Variants in UNC13C observed in about 807,000 individuals in gnomAD.
UNC13C encodes the protein unc-13 homolog C.
A neutral mutation model predicts 245.4 loss-of-function variants in UNC13C; 174 were observed. The observed-to-expected ratio is 0.71, with a 90% CI of 0.63 to 0.80. The LOEUF (loss-of-function observed/expected upper bound fraction) is 0.80, where lower values mean the gene tolerates loss of function less well. UNC13C is among the 30% of genes least tolerant of loss of function. UNC13C has a pLI of 0.00. For missense variants in UNC13C, 2,829 were observed against 2,602.9 expected, an observed-to-expected ratio of 1.09 and a Z score of -1.89; for synonymous variants, 992 against 895.1, an observed-to-expected ratio of 1.11 and a Z score of -1.93.
At chr15:54,061,559 C>G (rs112778206) in intron 2 of UNC13C, among the ~76,000 whole-genome samples, 1 of 152,222 alleles carries the variant, frequency 6.6e-6, no homozygotes, top group African/African-American at 2.4e-5. Context: ...CAAATCCAAA[C>G]CTTGGAATCT....
chr15:54,022,945 C>A (rs534798892), intron 2 of UNC13C, among the ~76,000 whole-genome samples: 1 of 152,042 alleles, frequency 6.6e-6, no homozygotes, highest in East Asian at 1.9e-4. Flanking sequence ...TAGAACCCAA[C>A]GAATACATGT....
rs1901348340 is a variant in UNC13C, at chr15:54,628,579, T to TA, written c.*1469dup. The TA allele has an allele frequency of 6.6e-6, 1 of 152,612 alleles. No individual in the cohort carries two copies. The highest frequency in any genetic ancestry group is 1.5e-5 in the Non-Finnish European group (1 of 68,028). 9.5% of individuals were successfully genotyped at this position (152,612 alleles called of 1,614,324 possible). A position where few individuals can be genotyped will look rare whatever the true frequency, so the allele number is the denominator to read the frequency against. ...TGCGATCCTCTGGCATATGCTTTAA[T>TA]AAATGGATGTATATTGAGCACATGC... On this transcript the variant is annotated 3_prime_UTR_variant, in exon 33 of 33. Transcript: ENST00000260323.
At chr15:54,396,598 C>T (rs952973539) in intron 18 of UNC13C, among the ~76,000 whole-genome samples, 3 of 151,458 alleles carry the variant, frequency 2.0e-5, no homozygotes, top group African/African-American at 7.3e-5. Context: ...TAGACATACT[C>T]TTTTATTTCT....
the UNC13C span, among the ~76,000 whole-genome samples, chr15:53,949,362 T>C: frequency 6.6e-6 from 1 of 152,238 alleles, no homozygotes; most frequent in African/African-American, 2.4e-5. Context: ...TGGCTGGGAA[T>C]GATTTATTGA....
At chr15:54,000,926 T>A (rs769359550) in intron 1 of UNC13C, among the ~76,000 whole-genome samples, 1 of 152,212 alleles carries the variant, frequency 6.6e-6, no homozygotes, top group Non-Finnish European at 1.5e-5. Flanking sequence ...GCCAAAATAC[T>A]TCATTTTGTA....
intron 2 of UNC13C, among the ~76,000 whole-genome samples, chr15:54,132,949 T>TA (rs2031518342): frequency 6.6e-6 from 1 of 152,216 alleles, no homozygotes; most frequent in Non-Finnish European, 1.5e-5. Context: ...AAAAGTGTGT[T>TA]ATAATAGAGG....
intron 18 of UNC13C, among the ~76,000 whole-genome samples, chr15:54,399,815 G>T (rs749869706): frequency 9.9e-5 from 15 of 151,902 alleles, no homozygotes; most frequent in African/African-American, 3.6e-4. Context: ...AGGTTTAAGC[G>T]ACTTTGATCA....
rs2140995743 is a variant in UNC13C, at chr15:54,015,761, A to G, written c.2858A>G (p.Gln953Arg). ...AEMEIREDEN[Q>R]NIPEQPVEIT... Reference sequence around the variant, plus strand: ...ATGGAAATAAGAGAAGATGAAAACCAAAACATTCCTGAACAGCCAGTGGAG... The same window carrying G: ...ATGGAAATAAGAGAAGATGAAAACCGAAACATTCCTGAACAGCCAGTGGAG... Residue 953 changes from glutamine (Q) to arginine (R), a missense_variant, in exon 2 of 33, where the codon CAA (glutamine) becomes CGA (arginine). By Grantham distance (43) the Gln-to-Arg change is conservative (BLOSUM62 1). Transcript: ENST00000260323. 1 of 1,613,020 alleles carries G rather than the reference A, an allele frequency of 6.2e-7. No homozygotes were observed. Among genetic ancestry groups the G allele is most frequent in the East Asian group, 2.2e-5 (1 of 44,852 alleles).
chr15:54,164,179 A>G (rs907579675), intron 4 of UNC13C, among the ~76,000 whole-genome samples: 1 of 152,202 alleles, frequency 6.6e-6, no homozygotes, highest in African/African-American at 2.4e-5. Context: ...CTAGCTAGCT[A>G]AAGGTAATTA....
chr15:53,962,354 ATAT>A, the UNC13C span, among the ~76,000 whole-genome samples: 12 of 152,096 alleles, frequency 7.9e-5, no homozygotes, highest in African/African-American at 2.2e-4. Context: ...CCATGTTTAG[ATAT>A]TATTATTTTC....
At chr15:54,219,525 G>A (rs966967586) in intron 4 of UNC13C, among the ~76,000 whole-genome samples, 15 of 148,340 alleles carry the variant, frequency 1.0e-4, no homozygotes, top group African/African-American at 3.5e-4. Flanking sequence ...TTACCATTCA[G>A]GACATAGGCA....
At chr15:53,892,949 G>A in the UNC13C span, among the ~76,000 whole-genome samples, 1 of 152,280 alleles carries the variant, frequency 6.6e-6, no homozygotes, top group East Asian at 1.9e-4. Flanking sequence ...AGGAGAAGTG[G>A]TGTTCTGGTT....
At chr15:54,035,071 GT>G (rs145203841) in intron 2 of UNC13C, among the ~76,000 whole-genome samples, 4 of 150,670 alleles carry the variant, frequency 2.7e-5, no homozygotes, top group South Asian at 2.1e-4. Context: ...TTCTTCCATT[GT>G]TTTTTTTTAT....
chr15:54,004,058 C>G (rs2140978867), intron 1 of UNC13C, among the ~76,000 whole-genome samples: 1 of 152,142 alleles, frequency 6.6e-6, no homozygotes, highest in Admixed American at 6.6e-5. Flanking sequence ...AAACCAAACT[C>G]TTACAGACTA....
At chr15:54,086,100 T>C (rs931090954) in intron 2 of UNC13C, among the ~76,000 whole-genome samples, 2 of 152,196 alleles carry the variant, frequency 1.3e-5, no homozygotes, top group African/African-American at 4.8e-5. Flanking sequence ...CTTTTAGCTT[T>C]TTGAGGATAT....
intron 17 of UNC13C, among the ~76,000 whole-genome samples, chr15:54,364,477 G>C (rs2039314837): frequency 6.6e-6 from 1 of 152,150 alleles, no homozygotes; most frequent in Admixed American, 6.5e-5. Flanking sequence ...CTTAGATGTA[G>C]GGAGCTACTG....
rs1895542881 is a variant in UNC13C, at chr15:54,014,482, C to G, written c.1579C>G (p.His527Asp). The change falls in exon 2 of 33, where the codon CAT becomes GAT. Residue 527 changes from histidine (H) to aspartate (D), a missense_variant. His to Asp is a moderately conservative substitution (Grantham distance 81). Transcript: ENST00000260323. ...SDILEKQTTT[H>D]YADATPLWHS... ...TATCTTGGAAAAGCAAACCACAACC[C>G]ATTATGCAGATGCAACACCTCTCTG... 1.2e-6 allele frequency: 2 copies of G among 1,613,678 alleles called. No homozygotes were observed. The highest frequency in any genetic ancestry group is 2.7e-5 in the African/African-American group (2 of 74,910).
chr15:54,560,818 ATAC>A (rs1897271418), intron 29 of UNC13C, among the ~76,000 whole-genome samples: 1 of 152,030 alleles, frequency 6.6e-6, no homozygotes, highest in South Asian at 2.1e-4. Context: ...TATGGAAATA[ATAC>A]TACTACTTAA....
chr15:54,069,936 A>G (rs150085424), intron 2 of UNC13C, among the ~76,000 whole-genome samples: 1 of 152,358 alleles, frequency 6.6e-6, no homozygotes, highest in African/African-American at 2.4e-5. Flanking sequence ...GCCATTCCAC[A>G]TGCTTTATAC....
Sources: gnomAD v4.1 joint callset for allele counts (sites outside exome capture counted in the v4.1 genomes callset) on GRCh38, gnomAD v4.1.1 for gene constraint, MANE v1.5 for transcripts, NCBI Gene and HGNC (gene_info 2026-07-23, HGNC 2026-07-21) for gene names.